The following INTS9 variants were observed in gnomAD, a reference collection of about 807,000 sequenced individuals.
The protein encoded by INTS9 is protein related to CPSF subunits of 74 kDa.
INTS9 carries 55 observed loss-of-function variants against 79.7 expected under a neutral mutation model. That is an observed-to-expected ratio of 0.69 (90% CI 0.56 to 0.86). The LOEUF is 0.86. INTS9 is among the 40% of genes least tolerant of loss of function. INTS9 has a pLI of 0.00. For synonymous variants in INTS9, 319 were observed against 325.2 expected, an observed-to-expected ratio of 0.98 and a Z score of 0.20; for missense variants, 721 against 831.5, an observed-to-expected ratio of 0.87 and a Z score of 1.64.
At chr8:28,829,994 A>C (rs148748752) in intron 6 of INTS9, among the ~76,000 whole-genome samples, 1 of 151,844 alleles carries the variant, frequency 6.6e-6, no homozygotes, top group Admixed American at 6.6e-5. Context: ...CCCTGTAGGC[A>C]TTGTAGACCT....
Position 28,780,833 on chromosome 8 carries a change from G to C in INTS9, c.1260C>G (p.Val420=). 2.5e-6 allele frequency: 4 copies of C among 1,614,058 alleles called. No individual in the cohort carries two copies. The highest frequency in any genetic ancestry group is 3.4e-6 in the Non-Finnish European group (4 of 1,180,004). The change falls in exon 12 of 17, where the codon GTC becomes GTG. Residue 420 remains valine, a synonymous_variant. Coordinates refer to ENST00000521022, the MANE Select transcript of INTS9 (RefSeq NM_018250.4). The stretch of plus-strand genomic sequence containing the variant: ...ATTTTTTTCACTTACCCGTGAATAT[G>C]ACGGTATTGAGACTAGATTTTCCCC... The part of the protein sequence containing the change: ...ELWGKSSLNT[V]IFTEPDFSYL...
intron 12 of INTS9, chr8:28,780,283 C>T (rs1368004780): frequency 3.5e-6 from 1 of 285,238 alleles, no homozygotes; most frequent in Middle Eastern, 2.0e-3. Flanking sequence ...TGCATAATTT[C>T]CAAGATATCC....
intron 16 of INTS9, 156 bp downstream of exon 16, chr8:28,769,733 G>T (rs1170158451): frequency 1.1e-6 from 1 of 901,792 alleles, no homozygotes; most frequent in Non-Finnish European, 1.6e-6. Context: ...TTTCTCCTGG[G>T]TCTCCCAGCA....
At chr8:28,814,776 A>T (rs542286884) in intron 6 of INTS9, among the ~76,000 whole-genome samples, 19 of 152,332 alleles carry the variant, frequency 1.2e-4, no homozygotes, top group Admixed American at 1.2e-3. Context: ...AAGCACTATG[A>T]GTAAGCTTAT....
intron 1 of INTS9, among the ~76,000 whole-genome samples, chr8:28,860,882 A>G (rs1341598937): frequency 6.6e-6 from 1 of 152,160 alleles, no homozygotes; most frequent in East Asian, 1.9e-4. Context: ...CTTTCCAGGT[A>G]TTTGTTGCTC....
intron 1 of INTS9, among the ~76,000 whole-genome samples, chr8:28,869,818 A>G (rs1257367468): frequency 6.6e-6 from 1 of 152,128 alleles, no homozygotes; most frequent in African/African-American, 2.4e-5. Context: ...CATGGTGAAC[A>G]CAGAAAAGCC....
At chr8:28,879,875 C>A (rs577659025) in intron 1 of INTS9, among the ~76,000 whole-genome samples, 4 of 151,972 alleles carry the variant, frequency 2.6e-5, no homozygotes, top group African/African-American at 4.8e-5. Context: ...GCAAATCTAC[C>A]GAGACTCGTG....
intron 6 of INTS9, among the ~76,000 whole-genome samples, chr8:28,817,560 T>C (rs1388365828): frequency 6.6e-6 from 1 of 152,248 alleles, no homozygotes; most frequent in East Asian, 1.9e-4. Flanking sequence ...TACTGTAGCC[T>C]TGCAGTATAG....
intron 8 of INTS9, among the ~76,000 whole-genome samples, chr8:28,811,549 G>A (rs1251311070): frequency 6.6e-6 from 1 of 152,068 alleles, no homozygotes; most frequent in African/African-American, 2.4e-5. Flanking sequence ...AGCTTCCTGA[G>A]TAGCTGGGAC....
At chr8:28,885,547 A>G (rs1810137383) in intron 1 of INTS9, among the ~76,000 whole-genome samples, 1 of 152,248 alleles carries the variant, frequency 6.6e-6, no homozygotes, top group African/African-American at 2.4e-5. Flanking sequence ...TGACTGAATA[A>G]GCCAGAAGAT....
intron 8 of INTS9, among the ~76,000 whole-genome samples, chr8:28,810,710 C>G (rs888033889): frequency 1.3e-5 from 2 of 152,114 alleles, no homozygotes; most frequent in Non-Finnish European, 2.9e-5. Context: ...AACTAATGTC[C>G]CCCCACTCCC....
At chr8:28,769,857 G>T (rs370311943) in intron 16 of INTS9, 32 bp downstream of exon 16, 17 of 1,611,066 alleles carry the variant, frequency 1.1e-5, no homozygotes, top group Non-Finnish European at 1.4e-5. Flanking sequence ...GCCACGTGTG[G>T]AGTTTTCACG....
chr8:28,889,963 G>C lies in INTS9; in HGVS notation c.-81C>G, dbSNP rs1251373170. The C allele has an allele frequency of 1.1e-5, 13 of 1,181,140 alleles. No homozygotes were observed. Among genetic ancestry groups the C allele is most frequent in the Non-Finnish European group, 1.1e-5 (9 of 794,080 alleles). 73.2% of individuals were successfully genotyped at this position (1,181,140 alleles called of 1,614,324 possible). A position where few individuals can be genotyped will look rare whatever the true frequency, so the allele number is the denominator to read the frequency against. ...TCTTCCGGTGCAATCTCCGCCACCT[G>C]CCAGCCGAGAGCATCGCGGGACTTG... On this transcript the variant is annotated 5_prime_UTR_variant, in exon 1 of 17. Transcript: ENST00000521022.
At chr8:28,772,535 A>C (rs926111011) in intron 14 of INTS9, among the ~76,000 whole-genome samples, 1 of 151,658 alleles carries the variant, frequency 6.6e-6, no homozygotes, top group Non-Finnish European at 1.5e-5. Context: ...AGGGCCGGGC[A>C]CGGTGGTTCA....
chr8:28,855,440 T>TG (rs1808097048), intron 2 of INTS9, among the ~76,000 whole-genome samples: 1 of 152,250 alleles, frequency 6.6e-6, no homozygotes, highest in South Asian at 2.1e-4. Context: ...ATGTGCCTTC[T>TG]GATAATAGAT....
chr8:28,799,113 A>G (rs1463837741), intron 8 of INTS9, among the ~76,000 whole-genome samples: 1 of 152,136 alleles, frequency 6.6e-6, no homozygotes, highest in Non-Finnish European at 1.5e-5. Context: ...TGGCCAACAT[A>G]GCGAAACCCA....
intron 6 of INTS9, among the ~76,000 whole-genome samples, chr8:28,819,061 T>G (rs1307488968): frequency 6.6e-6 from 1 of 152,176 alleles, no homozygotes; most frequent in Non-Finnish European, 1.5e-5. Flanking sequence ...TTATTAGTCT[T>G]GCTAGCAGTC....
At chr8:28,837,845 G>A (rs1213192551) in intron 4 of INTS9, 69 bp from the exon 5 acceptor site, 18 of 1,434,428 alleles carry the variant, frequency 1.3e-5, no homozygotes, top group East Asian at 2.4e-5. Flanking sequence ...ACTAAAAAAC[G>A]ACGTTGTCAG....
Position 28,837,640 on chromosome 8 carries a change from C to T in INTS9, c.398G>A (p.Gly133Asp), listed in dbSNP as rs1344147958. Reference protein sequence around the residue: ...VYATEPTVQIGRLLMEELVNF... With the variant: ...VYATEPTVQIDRLLMEELVNF... Reference sequence around the variant, plus strand: ...GGGTCAGAATCAACCCTCTCACCTGCCGATCTGGACGGTGGGTTCCGTGGC... The same window carrying T: ...GGGTCAGAATCAACCCTCTCACCTGTCGATCTGGACGGTGGGTTCCGTGGC... Residue 133 changes from glycine to aspartate, a missense_variant, in exon 5 of 17, where the codon GGC (glycine) becomes GAC (aspartate). Gly to Asp is a moderately conservative substitution (Grantham distance 94). Transcript: ENST00000521022. 2 of 1,612,414 alleles carry T rather than the reference C, an allele frequency of 1.2e-6. No homozygotes were observed. The highest frequency in any genetic ancestry group is 1.7e-6 in the Non-Finnish European group (2 of 1,179,648).
Sources: gnomAD v4.1 joint callset for allele counts (sites outside exome capture counted in the v4.1 genomes callset) on GRCh38, gnomAD v4.1.1 for gene constraint, MANE v1.5 for transcripts, NCBI Gene and HGNC (gene_info 2026-07-23, HGNC 2026-07-21) for gene names.